The following YES1 variants were observed in gnomAD, a reference collection of about 807,000 sequenced individuals.
YES1 encodes tyrosine-protein kinase Yes.
YES1 carries 39 observed loss-of-function variants against 70.4 expected under a neutral mutation model. That is an observed-to-expected ratio of 0.55 (90% CI 0.43 to 0.72). YES1 has a LOEUF of 0.72. Ranked by LOEUF, YES1 falls within the 30% of genes least tolerant of loss-of-function variation. YES1 has a pLI of 0.00. For missense variants in YES1, 495 were observed against 644.8 expected (o/e 0.77, Z 2.52); for synonymous variants, 198 against 218.6 (o/e 0.91, Z 0.83).
intron 1 of YES1, among the ~76,000 whole-genome samples, chr18:800,053 C>T (rs974161029): frequency 6.6e-6 from 1 of 152,194 alleles, no homozygotes; most frequent in Non-Finnish European, 1.5e-5. Flanking sequence ...CTGCATCAAA[C>T]CTTAGTTTCT....
At chr18:733,244 G>A (rs2145680036) in intron 10 of YES1, among the ~76,000 whole-genome samples, 1 of 152,348 alleles carries the variant, frequency 6.6e-6, no homozygotes, top group South Asian at 2.1e-4. Flanking sequence ...GCTCTAGTAA[G>A]CCAAAGATAC....
chr18:725,561 G>A (rs2080007971), intron 11 of YES1, among the ~76,000 whole-genome samples: 2 of 152,096 alleles, frequency 1.3e-5, no homozygotes, highest in Admixed American at 6.6e-5. Context: ...GAAGTTTTCT[G>A]AGCTTTTCAT....
intron 11 of YES1, among the ~76,000 whole-genome samples, chr18:730,013 CA>C: frequency 6.6e-6 from 1 of 152,154 alleles, no homozygotes; most frequent in Non-Finnish European, 1.5e-5. Flanking sequence ...TTGAATCATA[CA>C]CTGTAGATTA....
At chr18:777,565 G>C (rs1905443331) in intron 1 of YES1, among the ~76,000 whole-genome samples, 1 of 152,156 alleles carries the variant, frequency 6.6e-6, no homozygotes, top group Admixed American at 6.5e-5. Flanking sequence ...CCAACACTTT[G>C]GGAGGCTGAG....
chr18:746,130 T>G, intron 4 of YES1, 79 bp from the exon 5 acceptor site: 5 of 1,048,216 alleles, frequency 4.8e-6, no homozygotes, highest in Non-Finnish European at 7.2e-6. Flanking sequence ...AAGAATGGAC[T>G]GGGATAGGTT....
intron 1 of YES1, among the ~76,000 whole-genome samples, chr18:774,097 C>G (rs888673880): frequency 1.1e-4 from 16 of 152,198 alleles, no homozygotes; most frequent in Non-Finnish European, 5.9e-5. Context: ...TCCCAAAGTG[C>G]TGGGATTACG....
chr18:784,599 G>A (rs1196106731), intron 1 of YES1, among the ~76,000 whole-genome samples: 1 of 152,208 alleles, frequency 6.6e-6, no homozygotes, highest in African/African-American at 2.4e-5. Context: ...ATTTCCTTCT[G>A]GAGATTCAAA....
rs534628844 is a variant in YES1 at position 739,536 on chromosome 18, A to G, written c.1137+199T>C. 5 of 404,728 alleles carry G rather than the reference A, an allele frequency of 1.2e-5. No individual in the cohort carries two copies. The South Asian group carries it at 2.8e-4, about 22-fold the overall frequency. The allele number at this position is 404,728 out of a possible 1,614,324, so 25.1% of individuals were successfully genotyped here. On this transcript the variant is annotated intron_variant, in intron 9 of 11. Coordinates refer to ENST00000314574, the MANE Select transcript of YES1 (RefSeq NM_005433.4). ...GAGGATTGCTAGAGCCCAAGAATTC[A>G]AGGCTCTTCAAGCACGGAGCTATCA...
At chr18:730,513 A>G (rs1044283501) in intron 11 of YES1, among the ~76,000 whole-genome samples, 7 of 151,938 alleles carry the variant, frequency 4.6e-5, no homozygotes, top group African/African-American at 1.7e-4. Context: ...CCCAACTGGA[A>G]TTTTAAAGCA....
At position 781,224 on chromosome 18, in the gene YES1, G is replaced by A. The variant is rs532188666; in HGVS notation, c.-8-24389C>T. Among the ~76,000 whole-genome samples the A allele has an allele frequency of 4.7e-4, 67 of 142,594 alleles. 2 individuals carry two copies. Among genetic ancestry groups the A allele is most frequent in the African/African-American group, 1.8e-3 (65 of 37,142 alleles). The allele number at this position is 142,594 out of a possible 152,430, so 93.5% of individuals were successfully genotyped here. Reference sequence around the variant, plus strand: ...ATGGAGGTTGCAGTGAGCCGAGATCGCGCCATTGCACTGCAGCCTGGGGGA... The same window carrying A: ...ATGGAGGTTGCAGTGAGCCGAGATCACGCCATTGCACTGCAGCCTGGGGGA... On this transcript the variant is annotated intron_variant, in intron 1 of 11. Coordinates refer to ENST00000314574, the MANE Select transcript of YES1 (RefSeq NM_005433.4).
At chr18:739,880 T>C (rs2080197269) in intron 8 of YES1, 69 bp from the exon 9 acceptor site, 4 of 1,181,858 alleles carry the variant, frequency 3.4e-6, no homozygotes, top group Non-Finnish European at 4.8e-6. Flanking sequence ...TGAATACTCC[T>C]CCACCCCAAA....
intron 1 of YES1, among the ~76,000 whole-genome samples, chr18:764,672 A>T (rs542250287): frequency 1.3e-5 from 2 of 152,334 alleles, no homozygotes; most frequent in East Asian, 3.9e-4. Flanking sequence ...AAGCTCAGAA[A>T]AAGATGGAAG....
At position 723,634 on chromosome 18, in the gene YES1, A is replaced by G. The variant is rs1209183515; in HGVS notation, c.*790T>C. On this transcript the variant is annotated 3_prime_UTR_variant, in exon 12 of 12. Transcript: ENST00000314574. Reference sequence around the variant, plus strand: ...CAAAACATTTCCCCTTTGATTGGACAGTAGTTTCAATTATATATTGCCTTA... The same window carrying G: ...CAAAACATTTCCCCTTTGATTGGACGGTAGTTTCAATTATATATTGCCTTA... The G allele has an allele frequency of 6.6e-6, 1 of 152,670 alleles. No homozygotes were observed. Among genetic ancestry groups the G allele is most frequent in the East Asian group, 1.9e-4 (1 of 5,206 alleles). 9.5% of individuals were successfully genotyped at this position (152,670 alleles called of 1,614,324 possible).
intron 1 of YES1, among the ~76,000 whole-genome samples, chr18:770,333 A>G (rs1348635107): frequency 6.6e-6 from 1 of 151,278 alleles, no homozygotes; most frequent in Admixed American, 6.6e-5. Flanking sequence ...GTGAGTGATC[A>G]ACAAGGACTT....
chr18:757,261 T>G (rs985206342), intron 1 of YES1, among the ~76,000 whole-genome samples: 2 of 152,076 alleles, frequency 1.3e-5, no homozygotes, highest in African/African-American at 4.8e-5. Flanking sequence ...CCCAGCACTT[T>G]GGGAGGCCAA....
intron 1 of YES1, among the ~76,000 whole-genome samples, chr18:792,863 G>A (rs1032601617): frequency 6.6e-6 from 1 of 151,610 alleles, no homozygotes; most frequent in Non-Finnish European, 1.5e-5. Context: ...AAAGCCAAGG[G>A]GGGGGAAAAA....
chr18:724,237 T>C lies in YES1; in HGVS notation c.*187A>G. 1.7e-6 allele frequency: 1 copy of C among 593,442 alleles called. No individual in the cohort carries two copies. The highest frequency in any genetic ancestry group is 3.0e-6 in the Non-Finnish European group (1 of 337,582). 36.8% of individuals were successfully genotyped at this position (593,442 alleles called of 1,614,324 possible). A position where few individuals can be genotyped will look rare whatever the true frequency, so the allele number is the denominator to read the frequency against. On this transcript the variant is annotated 3_prime_UTR_variant, in exon 12 of 12. Coordinates refer to ENST00000314574, the MANE Select transcript of YES1 (RefSeq NM_005433.4). ...ACCCTGAAATACGCTGATAAATTCA[T>C]CATTGGTACATTAGAGTTTAATACT... is the stretch of plus-strand genomic sequence containing the variant.
At position 756,774 on chromosome 18, in the gene YES1, A is replaced by C. The variant is rs775990971; in HGVS notation, c.54T>G (p.Pro18=). ...ENKSPAIKYR[P]ENTPEPVSTS... ...TACTGACAGGCTCTGGAGTATTTTC[A>C]GGTCTGTATTTAATGGCTGGACTTT... The change falls in exon 2 of 12, where the codon CCT becomes CCG. Residue 18 remains proline, a synonymous_variant. Transcript: ENST00000314574. 1 of 1,614,182 alleles carries C rather than the reference A, an allele frequency of 6.2e-7. No homozygotes were observed. The highest frequency in any genetic ancestry group is 8.5e-7 in the Non-Finnish European group (1 of 1,180,024).
chr18:774,123 G>A (rs1266837228), intron 1 of YES1, among the ~76,000 whole-genome samples: 3 of 152,126 alleles, frequency 2.0e-5, no homozygotes, highest in Admixed American at 6.6e-5. Context: ...AAGCCACGGC[G>A]CCTGGCCTTC....
Sources: gnomAD v4.1 joint callset for allele counts (sites outside exome capture counted in the v4.1 genomes callset) on GRCh38, gnomAD v4.1.1 for gene constraint, MANE v1.5 for transcripts, NCBI Gene and HGNC (gene_info 2026-07-23, HGNC 2026-07-21) for gene names.